Variants in BABAM2 observed in about 807,000 individuals in gnomAD.
The protein encoded by BABAM2 is BRISC and BRCA1-A complex member 2.
BABAM2 carries 31 observed loss-of-function variants against 54.7 expected under a neutral mutation model. The observed-to-expected ratio is 0.57, with a 90% CI of 0.43 to 0.77. The LOEUF (loss-of-function observed/expected upper bound fraction) is 0.77, where lower values mean the gene tolerates loss of function less well. BABAM2 is among the 30% of genes least tolerant of loss of function. The pLI, the probability that BABAM2 is intolerant of heterozygous loss-of-function variation, is 0.00. For synonymous variants in BABAM2, 167 were observed against 162.9 expected (o/e 1.03, Z -0.19); for missense variants, 364 against 455.8 (o/e 0.80, Z 1.83).
intron 3 of BABAM2, among the ~76,000 whole-genome samples, chr2:27,942,977 G>A (rs1669039251): frequency 6.6e-6 from 1 of 151,766 alleles, no homozygotes; most frequent in Admixed American, 6.6e-5. Flanking sequence ...GTAGAGACGG[G>A]GTTTTGGTTT....
At chr2:28,128,806 A>G (rs6726688) in intron 6 of BABAM2, among the ~76,000 whole-genome samples, 66 of 152,190 alleles carry the variant, frequency 4.3e-4, no homozygotes, top group African/African-American at 1.1e-3. Context: ...TTGTATGGTG[A>G]CACTCTTCAT....
intron 7 of BABAM2, among the ~76,000 whole-genome samples, chr2:28,195,169 T>C (rs1403093648): frequency 6.6e-6 from 1 of 152,166 alleles, no homozygotes; most frequent in Non-Finnish European, 1.5e-5. Flanking sequence ...TACATTGGCA[T>C]TGGGGGATAA....
intron 10 of BABAM2, among the ~76,000 whole-genome samples, chr2:28,280,803 T>G (rs1036037427): frequency 2.0e-5 from 3 of 152,118 alleles, no homozygotes; most frequent in Non-Finnish European, 4.4e-5. Context: ...ATAATTAATC[T>G]AGAATGAGCC....
chr2:28,288,734 C>T (rs1162877304), intron 10 of BABAM2, among the ~76,000 whole-genome samples: 1 of 152,180 alleles, frequency 6.6e-6, no homozygotes, highest in Non-Finnish European at 1.5e-5. Flanking sequence ...AATTCTGATT[C>T]AACTTGTAAC....
At chr2:27,955,084 C>A (rs1488258602) in intron 3 of BABAM2, among the ~76,000 whole-genome samples, 1 of 152,188 alleles carries the variant, frequency 6.6e-6, no homozygotes, top group South Asian at 2.1e-4. Flanking sequence ...TCAGACTGCT[C>A]TCTCAGAAAT....
chr2:28,233,979 T>TG (rs35647411), intron 7 of BABAM2, among the ~76,000 whole-genome samples: 148,252 of 152,232 alleles, frequency 0.97, 72,313 homozygotes, highest in Middle Eastern at 1. Context: ...CCCCTCATCA[T>TG]TTGGGATGCT....
rs1027581967 is a variant in BABAM2 at position 27,941,292 on chromosome 2, C to T, written c.205+11384C>T. Among the ~76,000 whole-genome samples, 8 of 152,098 alleles carry T rather than the reference C, an allele frequency of 5.3e-5. 1 individual carries two copies. In the East Asian group the frequency reaches 5.8e-4, roughly 11 times the overall value. On this transcript the variant is annotated intron_variant, in intron 3 of 11. Transcript: ENST00000379624. Reference sequence around the variant, plus strand: ...TCTTTAACAATAGAGCAGCCAGGCGCGGTGGCTCACGCCTGTAATCCCAGA... The same window carrying T: ...TCTTTAACAATAGAGCAGCCAGGCGTGGTGGCTCACGCCTGTAATCCCAGA...
At chr2:27,903,304 C>G (rs1269716356) in intron 2 of BABAM2, among the ~76,000 whole-genome samples, 1 of 152,196 alleles carries the variant, frequency 6.6e-6, no homozygotes, top group African/African-American at 2.4e-5. Flanking sequence ...ACAAATTCCC[C>G]CCTTCCATCT....
chr2:28,338,753 T>C lies in BABAM2; in HGVS notation c.*240T>C, dbSNP rs140823168. The C allele has an allele frequency of 1.1e-5, 5 of 461,644 alleles. No homozygotes were observed. The highest frequency in any genetic ancestry group is 7.9e-5 in the African/African-American group (4 of 50,646). The allele number at this position is 461,644 out of a possible 1,614,324, so 28.6% of individuals were successfully genotyped here. Reference sequence around the variant, plus strand: ...CCTCTTTCTTGCCTCTATTTCTTAGTTGGAAGAAATAAACTCACAAATTAT... The same window carrying C: ...CCTCTTTCTTGCCTCTATTTCTTAGCTGGAAGAAATAAACTCACAAATTAT... On this transcript the variant is annotated 3_prime_UTR_variant, in exon 12 of 12. Coordinates refer to ENST00000379624, the MANE Select transcript of BABAM2 (RefSeq NM_199191.3).
Position 28,148,587 on chromosome 2 carries a change from T to C in BABAM2, c.680+19207T>C, listed in dbSNP as rs553503438. Among the ~76,000 whole-genome samples the C allele has an allele frequency of 3.3e-5, 5 of 152,270 alleles. No individual in the cohort carries two copies. In the East Asian group the frequency reaches 5.8e-4, roughly 18 times the overall value. ...GCTGTCAGTTGGGCAGCTCGCCTTG[T>C]TGGAGGATGGGCCAGGAGCTAGCAG... On this transcript the variant is annotated intron_variant, in intron 7 of 11. Transcript: ENST00000379624.
At chr2:28,162,161 C>A (rs1013815885) in intron 7 of BABAM2, among the ~76,000 whole-genome samples, 1 of 151,966 alleles carries the variant, frequency 6.6e-6, no homozygotes, top group Non-Finnish European at 1.5e-5. Flanking sequence ...CTTGAAATAC[C>A]GTATTTTGTC....
In BABAM2 at chr2:27,941,649, A is replaced by G. The variant is rs76512851; in HGVS notation, c.205+11741A>G. 1.2e-3 allele frequency among the ~76,000 whole-genome samples: 182 copies of G among 152,290 alleles called. 1 individual carries two copies. In the East Asian group the frequency reaches 0.022, roughly 18 times the overall value. ...GTGACAGAGTGAAGAAGTCATGTCA[A>G]GAAATACCCAAAGGTTTTGAAGTTG... On this transcript the variant is annotated intron_variant, in intron 3 of 11. Transcript: ENST00000379624.
intron 6 of BABAM2, among the ~76,000 whole-genome samples, chr2:28,080,802 C>T (rs961091949): frequency 2.6e-5 from 4 of 152,078 alleles, no homozygotes; most frequent in South Asian, 2.1e-4. Flanking sequence ...AATCCGTGAC[C>T]TGATTTAGTA....
chr2:28,255,436 G>A (rs955977153), intron 10 of BABAM2, among the ~76,000 whole-genome samples: 1 of 152,032 alleles, frequency 6.6e-6, no homozygotes, highest in Non-Finnish European at 1.5e-5. Context: ...GTCATGCCCG[G>A]CTAATTTTTG....
chr2:27,906,148 CAT>C (rs940717362), intron 2 of BABAM2, among the ~76,000 whole-genome samples: 1 of 152,062 alleles, frequency 6.6e-6, no homozygotes, highest in Non-Finnish European at 1.5e-5. Flanking sequence ...TGTGTGGGGT[CAT>C]AGATGTGCAA....
At chr2:28,135,287 G>A (rs1038693976) in intron 7 of BABAM2, among the ~76,000 whole-genome samples, 4 of 152,120 alleles carry the variant, frequency 2.6e-5, no homozygotes, top group Non-Finnish European at 5.9e-5. Flanking sequence ...TATTCAAACT[G>A]CTTTTCACTT....
chr2:28,221,893 A>C (rs1417204608), intron 7 of BABAM2, among the ~76,000 whole-genome samples: 1 of 152,168 alleles, frequency 6.6e-6, no homozygotes. Context: ...TCAGAATGTG[A>C]TGGGAGCGAA....
intron 3 of BABAM2, among the ~76,000 whole-genome samples, chr2:27,951,818 G>A (rs1038194371): frequency 3.3e-5 from 5 of 152,096 alleles, no homozygotes; most frequent in African/African-American, 4.8e-5. Context: ...AGCAGTATAC[G>A]CTGCACCCTA....
chr2:27,965,984 C>T (rs1456907296), intron 3 of BABAM2, among the ~76,000 whole-genome samples: 1 of 151,604 alleles, frequency 6.6e-6, no homozygotes, highest in African/African-American at 2.4e-5. Context: ...CTCTAGTTTT[C>T]CACAGTTTGA....
Sources: allele counts gnomAD v4.1 joint callset (sites outside exome capture counted in the v4.1 genomes callset), GRCh38; gene constraint gnomAD v4.1.1; transcripts MANE v1.5; gene names NCBI Gene and HGNC (gene_info 2026-07-23, HGNC 2026-07-21).